The following DYRK1A variants were observed in gnomAD, a reference collection of about 807,000 sequenced individuals.
DYRK1A encodes the protein dual specificity tyrosine-phosphorylation-regulated kinase 1A.
Under a neutral mutation model 79.7 loss-of-function variants are expected in DYRK1A, and 9 were observed. That is an observed-to-expected ratio of 0.11 (90% CI 0.07 to 0.20). DYRK1A has a LOEUF of 0.20. Among genes scored for constraint, DYRK1A ranks in the 10% least tolerant of loss-of-function variants. The probability of loss-of-function intolerance (pLI) is 1.00; values close to 1 mark genes in which losing one functional copy is unlikely to be tolerated. For missense variants in DYRK1A, 622 were observed against 956.0 expected, an observed-to-expected ratio of 0.65 and a Z score of 4.61; for synonymous variants, 349 against 329.7, an observed-to-expected ratio of 1.06 and a Z score of -0.63.
At chr21:37,484,921 T>C (rs2052800388) in intron 5 of DYRK1A, among the ~76,000 whole-genome samples, 1 of 152,206 alleles carries the variant, frequency 6.6e-6, no homozygotes, top group Admixed American at 6.5e-5. Context: ...GTTCAGGTCC[T>C]GTCCCTCACC....
intron 1 of DYRK1A, among the ~76,000 whole-genome samples, chr21:37,396,866 G>T (rs1416956447): frequency 6.6e-5 from 10 of 152,184 alleles, no homozygotes; most frequent in Non-Finnish European, 5.9e-5. Context: ...CACTCTAACA[G>T]TTCCAGCAAT....
Position 37,512,336 on chromosome 21 carries a change from C to T in DYRK1A, c.2070C>T (p.Asp690=), listed in dbSNP as rs767331150. 12 of 1,614,070 alleles carry T rather than the reference C, an allele frequency of 7.4e-6. No individual in the cohort carries two copies. The highest frequency in any genetic ancestry group is 5.5e-5 in the South Asian group (5 of 91,092). ...TLDFGQNGAM[D]VNLTVYSNPR... is the part of the protein sequence containing the mutation. ...ACTTTGGACAGAATGGAGCTATGGA[C>T]GTTAATTTGACCGTCTACTCCAATC... is the stretch of plus-strand genomic sequence containing the variant. The change falls in exon 12 of 12, where the codon GAC becomes GAT. Residue 690 remains aspartate (D), a synonymous_variant. Coordinates refer to ENST00000647188, the MANE Select transcript of DYRK1A (RefSeq NM_001347721.2).
Position 37,395,931 on chromosome 21 carries a change from C to T in DYRK1A, c.-76-24368C>T, listed in dbSNP as rs117276988. 3.8e-3 allele frequency among the ~76,000 whole-genome samples: 576 copies of T among 152,258 alleles called. 3 individuals carry two copies. Among genetic ancestry groups the T allele is most frequent in the Non-Finnish European group, 4.4e-3 (296 of 68,014 alleles). On this transcript the variant is annotated intron_variant, in intron 1 of 11. Transcript: ENST00000647188. The stretch of plus-strand genomic sequence containing the variant: ...TATACTGAAAACTCTTCATGTTTTC[C>T]ACCTTGTTAACATATGACAAGCCAG...
At chr21:37,497,942 A>G (rs1339147638) in intron 9 of DYRK1A, among the ~76,000 whole-genome samples, 1 of 152,118 alleles carries the variant, frequency 6.6e-6, no homozygotes, top group Non-Finnish European at 1.5e-5. Context: ...ATATGAAATA[A>G]TTATTTTGCT....
chr21:37,496,380 C>T, intron 9 of DYRK1A, 122 bp downstream of exon 9: 2 of 955,320 alleles, frequency 2.1e-6, no homozygotes, highest in Non-Finnish European at 1.5e-6. Context: ...TTATTGATAC[C>T]TTACATAGAT....
At chr21:37,475,391 A>G (rs191841454) in intron 3 of DYRK1A, among the ~76,000 whole-genome samples, 1 of 152,342 alleles carries the variant, frequency 6.6e-6, no homozygotes, top group East Asian at 1.9e-4. Flanking sequence ...CAGGAAGTAG[A>G]GAAAGTGTCA....
chr21:37,451,497 G>C (rs1169545365), intron 2 of DYRK1A, among the ~76,000 whole-genome samples: 1 of 151,874 alleles, frequency 6.6e-6, no homozygotes, highest in Non-Finnish European at 1.5e-5. Context: ...CAAATAATGA[G>C]GGTTACAGTT....
intron 2 of DYRK1A, among the ~76,000 whole-genome samples, chr21:37,434,155 C>T (rs2050856491): frequency 6.6e-6 from 1 of 152,122 alleles, no homozygotes; most frequent in Non-Finnish European, 1.5e-5. Context: ...CCAGCATGCT[C>T]TTCTCTTGGA....
intron 2 of DYRK1A, among the ~76,000 whole-genome samples, chr21:37,424,890 T>A (rs1292402510): frequency 2.6e-5 from 4 of 152,216 alleles, no homozygotes; most frequent in African/African-American, 9.6e-5. Context: ...ATTACAAGAA[T>A]GTCTCTTAAT....
intron 1 of DYRK1A, among the ~76,000 whole-genome samples, chr21:37,384,685 G>A (rs988648074): frequency 1.1e-4 from 17 of 152,132 alleles, no homozygotes; most frequent in Non-Finnish European, 2.5e-4. Context: ...AGGAGATCAA[G>A]CAGTTGAAAC....
At chr21:37,502,947 CTTTT>C (rs2053494031) in intron 9 of DYRK1A, 2 of 152,106 alleles carry the variant, frequency 1.3e-5, no homozygotes, top group South Asian at 4.1e-4. Context: ...GATGTATTGA[CTTTT>C]TTTCTGGATT....
chr21:37,441,094 T>C (rs2051088807), intron 2 of DYRK1A, among the ~76,000 whole-genome samples: 1 of 152,180 alleles, frequency 6.6e-6, no homozygotes, highest in Admixed American at 6.5e-5. Flanking sequence ...TCATAGATGT[T>C]CAGGATTTAG....
chr21:37,466,329 T>G (rs904176014), intron 2 of DYRK1A, among the ~76,000 whole-genome samples: 1 of 152,176 alleles, frequency 6.6e-6, no homozygotes, highest in South Asian at 2.1e-4. Context: ...TAGATTTTGA[T>G]TAGTCAAGGA....
In DYRK1A at chr21:37,483,894, C is replaced by T. The variant is rs529895721; in HGVS notation, c.490-2573C>T. On this transcript the variant is annotated intron_variant, in intron 5 of 11. Transcript: ENST00000647188. The stretch of plus-strand genomic sequence containing the variant: ...CACCACACCTGGCCTGGGAGTCCCT[C>T]TTGATTAAGGTCTTCCTGTTAGTCA... Among the ~76,000 whole-genome samples, 792 of 152,064 alleles carry T rather than the reference C, an allele frequency of 5.2e-3. 9 individuals are homozygous for T. The highest frequency in any genetic ancestry group is 9.3e-3 in the Non-Finnish European group (629 of 67,952).
In DYRK1A at chr21:37,524,127, G is replaced by A. The variant is rs1337157142; in HGVS notation, c.*11596G>A. On this transcript the variant is annotated 3_prime_UTR_variant, in exon 12 of 12. Transcript: ENST00000647188. ...AGCAAAGTGCAATGACATGGTAGCTGTCCTAAGGAACACAATACAACCAGG... is the reference window on the plus strand; with the variant it reads ...AGCAAAGTGCAATGACATGGTAGCTATCCTAAGGAACACAATACAACCAGG... 6.6e-6 allele frequency: 1 copy of A among 152,176 alleles called. No individual in the cohort carries two copies. The highest frequency in any genetic ancestry group is 1.9e-4 in the East Asian group (1 of 5,202). The allele number at this position is 152,176 out of a possible 1,614,324, so 9.4% of individuals were successfully genotyped here.
Position 37,512,228 on chromosome 21 carries a change from TTCTTCCTCGACA to T in DYRK1A, c.1971_1982del (p.Thr658_Ser661del). 4 of 1,614,214 alleles carry T rather than the reference TTCTTCCTCGACA, an allele frequency of 2.5e-6. No homozygotes were observed. Among genetic ancestry groups the T allele is most frequent in the Non-Finnish European group, 3.4e-6 (4 of 1,180,022 alleles). On this transcript the variant is annotated inframe_deletion, in exon 12 of 12. Coordinates refer to ENST00000647188, the MANE Select transcript of DYRK1A (RefSeq NM_001347721.2). ...TGACATCCCTGTCTTCCTCAACGAC[TTCTTCCTCGACA>T]TCTTCCTCCTCTACTGGTAACCAAG...
intron 2 of DYRK1A, among the ~76,000 whole-genome samples, chr21:37,443,295 C>T (rs1458276751): frequency 6.6e-6 from 1 of 152,142 alleles, no homozygotes; most frequent in Non-Finnish European, 1.5e-5. Flanking sequence ...CAGATTGAGC[C>T]ACCGCTCCTG....
At chr21:37,427,299 T>C (rs914614419) in intron 2 of DYRK1A, among the ~76,000 whole-genome samples, 5 of 152,132 alleles carry the variant, frequency 3.3e-5, no homozygotes, top group Non-Finnish European at 7.4e-5. Context: ...TTTATTTCTG[T>C]AGAGATGTGG....
rs1200868118 is a variant in DYRK1A at position 37,513,997 on chromosome 21, C to T, written c.*1466C>T. ...CCATAGCCAATACATTTACAGCAAT[C>T]TGTGTACTGAACATAGTAGATTGAC... On this transcript the variant is annotated 3_prime_UTR_variant, in exon 12 of 12. Coordinates refer to ENST00000647188, the MANE Select transcript of DYRK1A (RefSeq NM_001347721.2). 3.3e-5 allele frequency: 5 copies of T among 152,604 alleles called. No homozygotes were observed. Among genetic ancestry groups the T allele is most frequent in the African/African-American group, 1.2e-4 (5 of 41,446 alleles). The allele number at this position is 152,604 out of a possible 1,614,324, so 9.5% of individuals were successfully genotyped here. A position where few individuals can be genotyped will look rare whatever the true frequency, so the allele number is the denominator to read the frequency against.
Sources: gnomAD v4.1 joint callset for allele counts (sites outside exome capture counted in the v4.1 genomes callset) on GRCh38, gnomAD v4.1.1 for gene constraint, MANE v1.5 for transcripts, NCBI Gene and HGNC (gene_info 2026-07-23, HGNC 2026-07-21) for gene names.